Variants in DMD observed in about 807,000 individuals in gnomAD.
The protein encoded by DMD is mutant dystrophin.
Under a neutral mutation model 330.1 loss-of-function variants are expected in DMD, and 63 were observed. The ratio of observed to expected loss-of-function variants is 0.19; its 90% CI spans 0.16 to 0.24. DMD has a LOEUF of 0.24. Ranked by LOEUF, DMD falls within the 10% of genes least tolerant of loss-of-function variation. DMD has a pLI of 1.00. For missense variants in DMD, 3,344 were observed against 2,684.1 expected (o/e 1.25, Z -5.43); for synonymous variants, 1,223 against 959.8 (o/e 1.27, Z -5.07).
intron 44 of DMD, among the ~76,000 whole-genome samples, chrX:32,024,923 T>A (rs1173912536): frequency 8.9e-6 from 1 of 111,771 alleles, no homozygotes; most frequent in East Asian, 2.8e-4. Flanking sequence ...AACAGTTGCT[T>A]TCAAATATCT....
intron 55 of DMD, among the ~76,000 whole-genome samples, chrX:31,536,155 T>A (rs867497059): frequency 3.6e-5 from 4 of 111,673 alleles, no homozygotes; most frequent in Non-Finnish European, 7.5e-5. Flanking sequence ...ACTAGTCACA[T>A]GGCCTGAAAT....
At chrX:31,560,556 G>A (rs62590931) in intron 55 of DMD, among the ~76,000 whole-genome samples, 6,425 of 110,369 alleles carry the variant, frequency 0.058, 239 homozygotes, top group Admixed American at 0.17. Context: ...TTACGGATAG[G>A]GACATTTCAA....
At chrX:31,816,794 TCA>T (rs759346277) in intron 50 of DMD, among the ~76,000 whole-genome samples, 23 of 85,285 alleles carry the variant, frequency 2.7e-4, no homozygotes, top group Admixed American at 4.1e-4. Context: ...CAAGATTCTG[TCA>T]CACACACACA....
At chrX:31,837,809 T>C (rs2149497282) in intron 48 of DMD, among the ~76,000 whole-genome samples, 1 of 112,278 alleles carries the variant, frequency 8.9e-6, no homozygotes, top group South Asian at 3.7e-4. Context: ...TACTATAATC[T>C]CATACTGCCC....
At chrX:32,481,589 G>C (rs1261360618) in intron 21 of DMD, among the ~76,000 whole-genome samples, 1 of 110,781 alleles carries the variant, frequency 9.0e-6, no homozygotes, top group Non-Finnish European at 1.9e-5. Flanking sequence ...ATGTCTTCTG[G>C]ACATGCCAAG....
chrX:31,986,632 G>A (rs919617396), intron 44 of DMD, among the ~76,000 whole-genome samples: 4 of 111,444 alleles, frequency 3.6e-5, no homozygotes, highest in South Asian at 3.8e-4. Flanking sequence ...GGATGGTGTC[G>A]ATCTCTTGAC....
intron 63 of DMD, among the ~76,000 whole-genome samples, chrX:31,249,978 G>T (rs1359633487): frequency 9.0e-6 from 1 of 110,562 alleles, no homozygotes; most frequent in Non-Finnish European, 1.9e-5. Flanking sequence ...ACATAACTGA[G>T]GTTTAAAATT....
chrX:31,493,414 G>C (rs2069506429), intron 57 of DMD, among the ~76,000 whole-genome samples: 1 of 112,632 alleles, frequency 8.9e-6, no homozygotes, highest in Non-Finnish European at 1.9e-5. Flanking sequence ...TTTGCACAAT[G>C]TCCGAGCCAA....
In DMD at chrX:31,683,565, A is replaced by G. The variant is rs372915851; in HGVS notation, c.7661-3979T>C. ...ATTGGCCGTCACTACAGAGAAATAA[A>G]AAGCAAAGCCTCAAATGCAAGTGCA... is the stretch of plus-strand genomic sequence containing the variant. On this transcript the variant is annotated intron_variant, in intron 52 of 78. Coordinates refer to ENST00000357033, the MANE Select transcript of DMD (RefSeq NM_004006.3). Among the ~76,000 whole-genome samples the G allele has an allele frequency of 3.5e-5, 4 of 112,686 alleles. No individual in the cohort carries two copies. The East Asian group carries it at 8.4e-4, about 24-fold the overall frequency.
At position 32,441,200 on chromosome X, in the gene DMD, C is replaced by T; in HGVS notation, c.3901G>A (p.Glu1301Lys). Residue 1301 changes from glutamate (E) to lysine (K), a missense_variant, in exon 28 of 79, where the codon GAA becomes AAA. Glu to Lys is a moderately conservative substitution (Grantham distance 56, BLOSUM62 1). Transcript: ENST00000357033. ...TTENIPGGAE[E>K]ISEVLDSLEN... The stretch of plus-strand genomic sequence containing the variant: ...CTTACATCTAGCACCTCAGAGATTT[C>T]CTCAGCTCCGCCAGGAATGTTTTCA... 8.3e-7 allele frequency: 1 copy of T among 1,209,279 alleles called. No individual in the cohort carries two copies. Among genetic ancestry groups the T allele is most frequent in the Non-Finnish European group, 1.1e-6 (1 of 893,773 alleles).
chrX:32,784,138 C>A, intron 7 of DMD, among the ~76,000 whole-genome samples: 1 of 111,011 alleles, frequency 9.0e-6, no homozygotes, highest in Non-Finnish European at 1.9e-5. Context: ...CCTATTAAAT[C>A]GTTTTCTGAG....
At chrX:32,084,046 T>C (rs2096413284) in intron 44 of DMD, among the ~76,000 whole-genome samples, 1 of 112,477 alleles carries the variant, frequency 8.9e-6, no homozygotes, top group Non-Finnish European at 1.9e-5. Context: ...AATTTTCTTT[T>C]TGTCTATAAT....
At chrX:32,778,962 T>C (rs930123746) in intron 7 of DMD, among the ~76,000 whole-genome samples, 2 of 111,610 alleles carry the variant, frequency 1.8e-5, no homozygotes, top group East Asian at 2.8e-4. Flanking sequence ...AGTTTAAATA[T>C]GCAGGTTTAA....
intron 44 of DMD, among the ~76,000 whole-genome samples, chrX:32,126,418 A>G (rs2096662041): frequency 8.9e-6 from 1 of 112,016 alleles, no homozygotes. Context: ...ACCCACACTT[A>G]CATCTTTAGA....
chrX:32,149,205 C>T (rs769089630), intron 44 of DMD, among the ~76,000 whole-genome samples: 8 of 111,425 alleles, frequency 7.2e-5, no homozygotes, highest in South Asian at 3.8e-4. Context: ...AAGGGATACA[C>T]GGAGCCAGCA....
intron 60 of DMD, among the ~76,000 whole-genome samples, chrX:31,403,518 C>G (rs767213423): frequency 5.4e-5 from 6 of 112,041 alleles, no homozygotes; most frequent in Non-Finnish European, 9.4e-5. Flanking sequence ...AGTTGGATAT[C>G]AAGGAGTTTC....
At chrX:33,109,232 C>T (rs780833540) in intron 1 of DMD, among the ~76,000 whole-genome samples, 9 of 111,410 alleles carry the variant, frequency 8.1e-5, no homozygotes, top group African/African-American at 2.9e-4. Flanking sequence ...CAGGTCCCTG[C>T]TGGTTTCTGT....
intron 44 of DMD, among the ~76,000 whole-genome samples, chrX:32,208,372 G>A (rs889744659): frequency 1.8e-4 from 20 of 111,803 alleles, no homozygotes; most frequent in African/African-American, 6.2e-4. Context: ...GTTATGTTCT[G>A]CAGGCTCTCC....
intron 1 of DMD, among the ~76,000 whole-genome samples, chrX:33,155,848 T>A (rs2048485488): frequency 9.0e-6 from 1 of 110,872 alleles, no homozygotes; most frequent in Admixed American, 9.7e-5. Context: ...AGGATCACTT[T>A]AGCCCAGGAG....
Sources: allele counts gnomAD v4.1 joint callset (sites outside exome capture counted in the v4.1 genomes callset), GRCh38; gene constraint gnomAD v4.1.1; transcripts MANE v1.5; gene names NCBI Gene and HGNC (gene_info 2026-07-23, HGNC 2026-07-21).